ACIN1: variants seen among roughly 807,000 people sequenced by gnomAD.
ACIN1 encodes the protein apoptotic chromatin condensation inducer 1, also known as apoptotic chromatin condensation inducer in the nucleus.
Under a neutral mutation model 146.6 loss-of-function variants are expected in ACIN1, and 16 were observed. The ratio of observed to expected loss-of-function variants is 0.11; its 90% CI spans 0.07 to 0.17. ACIN1 has a LOEUF of 0.17. Among genes scored for constraint, ACIN1 ranks in the 10% least tolerant of loss-of-function variants. ACIN1 has a pLI of 1.00. For synonymous variants in ACIN1, 569 were observed against 582.7 expected (o/e 0.98, Z 0.34); for missense variants, 1,357 against 1,609.3 (o/e 0.84, Z 2.68).
intron 2 of ACIN1, among the ~76,000 whole-genome samples, chr14:23,092,484 T>C (rs78528087): frequency 1.8e-4 from 28 of 152,332 alleles, no homozygotes; most frequent in South Asian, 4.1e-4. Context: ...AAGTACTTAA[T>C]TGAACCTCTG....
chr14:23,095,514 C>T (rs1326793291), upstream of ACIN1: 4 of 569,490 alleles, frequency 7.0e-6, no homozygotes, highest in South Asian at 2.4e-5. Flanking sequence ...CGTGGGCTGC[C>T]GGGCTGGCCC....
At chr14:23,086,655 T>G (rs2048098479) in intron 4 of ACIN1, among the ~76,000 whole-genome samples, 1 of 152,078 alleles carries the variant, frequency 6.6e-6, no homozygotes, top group African/African-American at 2.4e-5. Flanking sequence ...TCAGCTAATG[T>G]TTTCTATTTT....
At chr14:23,095,525 A>G (rs998927740), upstream of ACIN1, 4 of 534,988 alleles carry the variant, frequency 7.5e-6, no homozygotes, top group Non-Finnish European at 1.3e-5. Context: ...GGGCTGGCCC[A>G]GCTTAGGGTT....
chr14:23,070,319 T>G (rs534573870), intron 8 of ACIN1, among the ~76,000 whole-genome samples: 7 of 152,226 alleles, frequency 4.6e-5, no homozygotes, highest in African/African-American at 1.7e-4. Flanking sequence ...GAATTGAGTA[T>G]GAGAGCTCAG....
At chr14:23,062,071 G>A (rs1035791808) in intron 16 of ACIN1, 97 bp downstream of exon 16, 4 of 976,466 alleles carry the variant, frequency 4.1e-6, no homozygotes, top group African/African-American at 3.3e-5. Context: ...AAGAACAGAA[G>A]CTCAGAGACT....
intron 4 of ACIN1, 44 bp downstream of exon 4, chr14:23,089,937 TA>T (rs2048184576): frequency 6.6e-7 from 1 of 1,517,700 alleles, no homozygotes; most frequent in Non-Finnish European, 8.9e-7. Flanking sequence ...CCCCACCAAC[TA>T]CGCAGGATTG....
rs1411659318 is a variant in ACIN1 at position 23,067,716 on chromosome 14, C to T, written c.2266-1708G>A. On this transcript the variant is annotated intron_variant, in intron 9 of 18. Transcript: ENST00000605057. The surrounding 1 kb of genome is among the most constrained non-coding windows in gnomAD (Gnocchi z 4.6). The stretch of plus-strand genomic sequence containing the variant: ...TTTATCGTGAGAGGCAGGCAGGACC[C>T]TATGTCCACCAGTGGCAAGCTGCAG... 2.0e-6 allele frequency: 2 copies of T among 985,800 alleles called. No individual in the cohort carries two copies. Among genetic ancestry groups the T allele is most frequent in the African/African-American group, 3.5e-5 (2 of 57,204 alleles). 61.1% of individuals were successfully genotyped at this position (985,800 alleles called of 1,614,324 possible).
In ACIN1 at chr14:23,063,427, G is replaced by A. The variant is rs1244356347; in HGVS notation, c.2737+9C>T. The A allele has an allele frequency of 6.2e-7, 1 of 1,613,374 alleles. No homozygotes were observed. On this transcript the variant is annotated intron_variant, in intron 13 of 18. Transcript: ENST00000605057. ...CCGCATTACATTTCTCTCACAATAT[G>A]TCACTCACCTTTCTTTACTTCATGC...
intron 16 of ACIN1, 31 bp downstream of exon 16, chr14:23,062,137 C>T: frequency 6.6e-7 from 1 of 1,523,964 alleles, no homozygotes; most frequent in Non-Finnish European, 9.1e-7. Context: ...TCCCCTGCCC[C>T]TCCTCTCTTT....
Position 23,059,269 on chromosome 14 carries a change from C to T in ACIN1, c.3731G>A (p.Arg1244Gln). ...TCGGTCCCTTTCCCTATCCCGATCTCGGTCCCCCCTGTCCCGCTCCCTTTC... is the reference window on the plus strand; with the variant it reads ...TCGGTCCCTTTCCCTATCCCGATCTTGGTCCCCCCTGTCCCGCTCCCTTTC... Reference protein sequence around the residue: ...ERERERDRGDRDRDRERDRER... With the variant: ...ERERERDRGDQDRDRERDRER... The change falls in exon 19 of 19, where the codon CGA becomes CAA. Residue 1244 changes from arginine (R) to glutamine (Q), a missense_variant. This residue lies in a region of ACIN1 where 509 missense variants were observed against 719.6 expected (regional missense o/e 0.71). Transcript: ENST00000605057. 3.1e-6 allele frequency: 5 copies of T among 1,609,464 alleles called. No homozygotes were observed. The highest frequency in any genetic ancestry group is 1.1e-5 in the South Asian group (1 of 90,998).
At chr14:23,073,960 T>C (rs1012377950) in intron 8 of ACIN1, among the ~76,000 whole-genome samples, 15 of 149,524 alleles carry the variant, frequency 1.0e-4, no homozygotes, top group Non-Finnish European at 1.9e-4. Context: ...TGCCTCAGCC[T>C]CCCGAGCAGC....
chr14:23,067,187 T>G lies in ACIN1; in HGVS notation c.2266-1179A>C, dbSNP rs2047485591. The G allele has an allele frequency of 1.5e-6, 1 of 669,724 alleles. No homozygotes were observed. Among genetic ancestry groups the G allele is most frequent in the African/African-American group, 2.1e-5 (1 of 47,202 alleles). 41.5% of individuals were successfully genotyped at this position (669,724 alleles called of 1,614,324 possible). On this transcript the variant is annotated intron_variant, in intron 9 of 18. Coordinates refer to ENST00000605057, the MANE Select transcript of ACIN1 (RefSeq NM_001386863.1). This position sits in a 1 kb window ranked among gnomAD's most constrained non-coding sequence, Gnocchi z 4.6. ...ACAGGAAAAACATGAACCAAATAAA[T>G]AAATAAAAGAAATCAGAAAAAATAA...
chr14:23,078,222 A>C lies in ACIN1; in HGVS notation c.2052T>G (p.Ala684=). 1 of 1,614,186 alleles carries C rather than the reference A, an allele frequency of 6.2e-7. No homozygotes were observed. The highest frequency in any genetic ancestry group is 8.5e-7 in the Non-Finnish European group (1 of 1,180,016). ...TCTCTGAGGTTTGGGGCTGTGTGGC[A>C]GCTGGTGGCTCTGCCTCTTCAGCTT... ...KCEAEEAEPP[A]ATQPQTSETQ... Residue 684 remains alanine, a synonymous_variant, in exon 8 of 19, where the codon GCT becomes GCG. Coordinates refer to ENST00000605057, the MANE Select transcript of ACIN1 (RefSeq NM_001386863.1).
intron 4 of ACIN1, among the ~76,000 whole-genome samples, chr14:23,083,202 G>T (rs761968820): frequency 6.6e-6 from 1 of 151,906 alleles, no homozygotes; most frequent in Non-Finnish European, 1.5e-5. Context: ...TAAGTAATTT[G>T]GGTCTCAATA....
intron 8 of ACIN1, among the ~76,000 whole-genome samples, chr14:23,077,146 C>T (rs1205695097): frequency 6.6e-6 from 1 of 152,160 alleles, no homozygotes; most frequent in African/African-American, 2.4e-5. Flanking sequence ...AAGTCACAGG[C>T]AAATGAGATA....
Position 23,078,179 on chromosome 14 carries a change from G to A in ACIN1, c.2095C>T (p.Pro699Ser). 6.2e-7 allele frequency: 1 copy of A among 1,614,158 alleles called. No homozygotes were observed. Among genetic ancestry groups the A allele is most frequent in the Non-Finnish European group, 8.5e-7 (1 of 1,180,008 alleles). Reference protein sequence around the residue: ...QTSETQTSHLPESERIHHTVE... With the variant: ...QTSETQTSHLSESERIHHTVE... ...GTGTGATGAATTCTTTCTGATTCTG[G>A]CAGATGAGAGGTCTGAGTCTCTGAG... Residue 699 changes from proline to serine, a missense_variant, in exon 8 of 19, where the codon CCA becomes TCA. This residue lies in a region of ACIN1 where 771 missense variants were observed against 746.6 expected (regional missense o/e 1.03). Coordinates refer to ENST00000605057, the MANE Select transcript of ACIN1 (RefSeq NM_001386863.1).
At chr14:23,072,302 C>G (rs1288910091) in intron 8 of ACIN1, among the ~76,000 whole-genome samples, 1 of 152,088 alleles carries the variant, frequency 6.6e-6, no homozygotes, top group Non-Finnish European at 1.5e-5. Flanking sequence ...TCACCCTGCC[C>G]CAGGGTCCAC....
At chr14:23,095,466 G>C, upstream of ACIN1, 1 of 884,650 alleles carries the variant, frequency 1.1e-6, no homozygotes, top group South Asian at 1.9e-5. Flanking sequence ...AGGCGCTGGG[G>C]CGCTTGGGTG....
chr14:23,059,037 G>T lies in ACIN1; in HGVS notation c.*111C>A. ...CCATTTGGTATGTATGTAGGGATAG[G>T]TGATGTGAAAGACCCTTGGCTCCAG... is the stretch of plus-strand genomic sequence containing the variant. On this transcript the variant is annotated 3_prime_UTR_variant, in exon 19 of 19. Transcript: ENST00000605057. 1.0e-6 allele frequency: 1 copy of T among 975,440 alleles called. No homozygotes were observed. Among genetic ancestry groups the T allele is most frequent in the Non-Finnish European group, 1.6e-6 (1 of 640,450 alleles). The allele number at this position is 975,440 out of a possible 1,614,324, so 60.4% of individuals were successfully genotyped here.
Sources: allele counts gnomAD v4.1 joint callset (sites outside exome capture counted in the v4.1 genomes callset), GRCh38; gene constraint gnomAD v4.1.1; regional missense constraint gnomAD v4.1.1; non-coding constraint Gnocchi (gnomAD v3.1); transcripts MANE v1.5; gene names NCBI Gene and HGNC (gene_info 2026-07-23, HGNC 2026-07-21).